The following CHCHD3 variants were observed in gnomAD, a reference collection of about 807,000 sequenced individuals.
The protein encoded by CHCHD3 is coiled-coil-helix-coiled-coil-helix domain containing 3.
Under a neutral mutation model 38.2 loss-of-function variants are expected in CHCHD3, and 20 were observed. That is an observed-to-expected ratio of 0.52 (90% CI 0.37 to 0.76). CHCHD3 has a LOEUF of 0.76. Ranked by LOEUF, CHCHD3 falls within the 30% of genes least tolerant of loss-of-function variation. The pLI, the probability that CHCHD3 is intolerant of heterozygous loss-of-function variation, is 0.00. For synonymous variants in CHCHD3, 82 were observed against 100.0 expected (o/e 0.82, Z 1.07); for missense variants, 245 against 279.2 (o/e 0.88, Z 0.87).
intron 4 of CHCHD3, among the ~76,000 whole-genome samples, chr7:132,974,887 A>G (rs1232608159): frequency 1.3e-5 from 2 of 151,952 alleles, no homozygotes; most frequent in Non-Finnish European, 2.9e-5. Flanking sequence ...AAAAAAAAGG[A>G]AAGAAAAAGA....
At chr7:133,051,691 G>A (rs184658533) in intron 2 of CHCHD3, among the ~76,000 whole-genome samples, 325 of 152,210 alleles carry the variant, frequency 2.1e-3, no homozygotes, top group Non-Finnish European at 3.4e-3. Context: ...ATTTCAGGCT[G>A]CTTGAGGATA....
chr7:132,990,543 T>C (rs988561291), intron 3 of CHCHD3, among the ~76,000 whole-genome samples: 2 of 152,198 alleles, frequency 1.3e-5, no homozygotes, highest in Non-Finnish European at 2.9e-5. Context: ...GCAATAATCC[T>C]GGTTCCGTGA....
chr7:132,896,185 T>A (rs1268060641), intron 4 of CHCHD3, among the ~76,000 whole-genome samples: 2 of 152,216 alleles, frequency 1.3e-5, no homozygotes, highest in Non-Finnish European at 2.9e-5. Context: ...TGAGAAAATA[T>A]ATAAAATATG....
At chr7:133,050,340 TAAAAAA>T (rs35635002) in intron 2 of CHCHD3, among the ~76,000 whole-genome samples, 6 of 31,844 alleles carry the variant, frequency 1.9e-4, no homozygotes, top group South Asian at 1.4e-3. Flanking sequence ...GGCTGTGTCT[TAAAAAA>T]AAAAAAAAAA....
At chr7:132,873,311 G>T (rs571297063) in intron 5 of CHCHD3, among the ~76,000 whole-genome samples, 1 of 151,960 alleles carries the variant, frequency 6.6e-6, no homozygotes, top group African/African-American at 2.4e-5. Flanking sequence ...GCCTGGCAAA[G>T]AAATACCTTC....
At chr7:133,062,452 C>T (rs1036827989) in intron 2 of CHCHD3, among the ~76,000 whole-genome samples, 1 of 152,058 alleles carries the variant, frequency 6.6e-6, no homozygotes, top group Non-Finnish European at 1.5e-5. Context: ...AGCATGATTA[C>T]AAAATTTATA....
intron 6 of CHCHD3, among the ~76,000 whole-genome samples, chr7:132,817,587 G>C (rs1807231980): frequency 6.6e-6 from 1 of 152,032 alleles, no homozygotes; most frequent in African/African-American, 2.4e-5. Context: ...GGGGTTCATG[G>C]GGGAGACTGT....
At chr7:132,846,411 C>T (rs1308760505) in intron 5 of CHCHD3, among the ~76,000 whole-genome samples, 1 of 152,220 alleles carries the variant, frequency 6.6e-6, no homozygotes, top group Non-Finnish European at 1.5e-5. Flanking sequence ...TGGTAACCTG[C>T]AGAATCAGGA....
intron 5 of CHCHD3, among the ~76,000 whole-genome samples, chr7:132,863,090 C>A (rs762238062): frequency 6.6e-6 from 1 of 152,176 alleles, no homozygotes; most frequent in South Asian, 2.1e-4. Flanking sequence ...TTCTTAATGG[C>A]ATCTAGAATG....
intron 4 of CHCHD3, among the ~76,000 whole-genome samples, chr7:132,926,472 G>A (rs1200869141): frequency 6.6e-6 from 1 of 152,198 alleles, no homozygotes; most frequent in Admixed American, 6.5e-5. Context: ...CTGATGGCCT[G>A]TTGGGTGTGG....
chr7:133,013,892 C>T (rs964565205), intron 3 of CHCHD3, among the ~76,000 whole-genome samples: 2 of 151,770 alleles, frequency 1.3e-5, no homozygotes, highest in African/African-American at 2.4e-5. Context: ...GTTAAAGAAA[C>T]AAACACAATA....
intron 2 of CHCHD3, among the ~76,000 whole-genome samples, chr7:133,048,438 G>A (rs949159747): frequency 1.3e-5 from 2 of 152,182 alleles, no homozygotes; most frequent in South Asian, 2.1e-4. Context: ...GGATAGTCAG[G>A]ATAGGCTTCC....
intron 4 of CHCHD3, among the ~76,000 whole-genome samples, chr7:132,946,192 A>G (rs997538713): frequency 7.9e-5 from 12 of 151,338 alleles, no homozygotes; most frequent in African/African-American, 2.7e-4. Flanking sequence ...GTGTGTGTGT[A>G]TACACACACA....
At chr7:132,911,310 G>A (rs1809943115) in intron 4 of CHCHD3, among the ~76,000 whole-genome samples, 1 of 152,148 alleles carries the variant, frequency 6.6e-6, no homozygotes, top group East Asian at 1.9e-4. Context: ...CAAAGAGCTA[G>A]AAGCAACCCG....
chr7:133,022,083 T>C (rs910050000), intron 3 of CHCHD3, among the ~76,000 whole-genome samples: 3 of 151,562 alleles, frequency 2.0e-5, no homozygotes, highest in South Asian at 2.1e-4. Flanking sequence ...CGAGACTCCA[T>C]CTCAAAAAAA....
chr7:132,912,090 T>C (rs1809966488), intron 4 of CHCHD3, among the ~76,000 whole-genome samples: 1 of 152,186 alleles, frequency 6.6e-6, no homozygotes, highest in African/African-American at 2.4e-5. Context: ...CAATATCCTA[T>C]CCATTAATAT....
At chr7:132,804,321 C>T (rs1187942858) in intron 6 of CHCHD3, among the ~76,000 whole-genome samples, 3 of 152,150 alleles carry the variant, frequency 2.0e-5, no homozygotes, top group Admixed American at 6.5e-5. Context: ...AGTATGCAAG[C>T]TGCGTTCTGT....
intron 3 of CHCHD3, among the ~76,000 whole-genome samples, chr7:132,975,554 T>C (rs1430974051): frequency 6.6e-6 from 1 of 152,194 alleles, no homozygotes; most frequent in Non-Finnish European, 1.5e-5. Flanking sequence ...AAAGTTCTTC[T>C]TATGTAAAAT....
At chr7:132,886,770 T>C (rs1389320388) in intron 4 of CHCHD3, among the ~76,000 whole-genome samples, 2 of 151,780 alleles carry the variant, frequency 1.3e-5, no homozygotes, top group Non-Finnish European at 1.5e-5. Context: ...GTAAAGTGTA[T>C]ACATTTCTTT....
Sources: gnomAD v4.1 joint callset for allele counts (sites outside exome capture counted in the v4.1 genomes callset) on GRCh38, gnomAD v4.1.1 for gene constraint, MANE v1.5 for transcripts, NCBI Gene and HGNC (gene_info 2026-07-23, HGNC 2026-07-21) for gene names.